RAD51B: variants seen among roughly 807,000 people sequenced by gnomAD.
The protein encoded by RAD51B is RAD51 paralog B.
Under a neutral mutation model 42.2 loss-of-function variants are expected in RAD51B, and 38 were observed. The ratio of observed to expected loss-of-function variants is 0.90; its 90% CI spans 0.70 to 1.18. The LOEUF (loss-of-function observed/expected upper bound fraction) is 1.18, where lower values mean the gene tolerates loss of function less well. RAD51B is among the 50% of genes most tolerant of loss of function. The pLI, the probability that RAD51B is intolerant of heterozygous loss-of-function variation, is 0.00. For missense variants in RAD51B, 373 were observed against 400.7 expected (o/e 0.93, Z 0.59); for synonymous variants, 154 against 145.2 (o/e 1.06, Z -0.43).
intron 4 of RAD51B, among the ~76,000 whole-genome samples, chr14:67,848,536 G>A (rs1006338906): frequency 2.0e-5 from 3 of 151,630 alleles, no homozygotes; most frequent in African/African-American, 7.3e-5. Context: ...TTTTTTTCTA[G>A]CTTACCATTC....
chr14:68,208,280 G>A (rs1384082730), intron 7 of RAD51B, among the ~76,000 whole-genome samples: 1 of 152,194 alleles, frequency 6.6e-6, no homozygotes, highest in African/African-American at 2.4e-5. Flanking sequence ...GTGTGGTAAA[G>A]GTTATAGTAA....
chr14:68,374,706 C>T (rs1479450300), intron 8 of RAD51B, among the ~76,000 whole-genome samples: 13 of 150,238 alleles, frequency 8.7e-5, no homozygotes, highest in Non-Finnish European at 1.9e-4. Flanking sequence ...TCACACTTAG[C>T]ACAGATGGTC....
chr14:67,984,838 C>T (rs1193515028), intron 7 of RAD51B, among the ~76,000 whole-genome samples: 1 of 152,172 alleles, frequency 6.6e-6, no homozygotes, highest in Non-Finnish European at 1.5e-5. Context: ...TTTATCTCAT[C>T]CTATATACAT....
At chr14:68,458,926 C>A (rs1377587830) in intron 9 of RAD51B, among the ~76,000 whole-genome samples, 1 of 152,190 alleles carries the variant, frequency 6.6e-6, no homozygotes, top group East Asian at 1.9e-4. Flanking sequence ...TAAACTCATT[C>A]TCTGCTCTGC....
At chr14:68,644,745 T>C (rs954087967) in intron 10 of RAD51B, among the ~76,000 whole-genome samples, 2 of 152,046 alleles carry the variant, frequency 1.3e-5, no homozygotes, top group Admixed American at 6.5e-5. Flanking sequence ...CACTGGTTTG[T>C]CGTTTGCTTT....
chr14:68,480,476 G>C (rs1883089661), downstream of RAD51B, among the ~76,000 whole-genome samples: 1 of 152,088 alleles, frequency 6.6e-6, no homozygotes. Context: ...TGCCCAATAT[G>C]GGGTGACTGA....
downstream of RAD51B, among the ~76,000 whole-genome samples, chr14:68,614,428 C>A (rs1204073723): frequency 6.6e-6 from 1 of 152,094 alleles, no homozygotes; most frequent in Non-Finnish European, 1.5e-5. Context: ...AGTATATTCA[C>A]AAAATTGTGC....
intron 7 of RAD51B, among the ~76,000 whole-genome samples, chr14:67,947,208 A>G (rs2045426447): frequency 6.6e-6 from 1 of 152,212 alleles, no homozygotes; most frequent in East Asian, 1.9e-4. Context: ...AATGTACAGT[A>G]TAAAGCATAA....
chr14:67,907,973 C>T (rs116274284), intron 7 of RAD51B, among the ~76,000 whole-genome samples: 187 of 152,222 alleles, frequency 1.2e-3, no homozygotes, highest in African/African-American at 4.1e-3. Flanking sequence ...ATAAATCAAC[C>T]GCTAAGGATT....
chr14:68,405,063 A>G (rs986250735), intron 8 of RAD51B, among the ~76,000 whole-genome samples: 10 of 152,270 alleles, frequency 6.6e-5, no homozygotes, highest in African/African-American at 2.4e-4. Context: ...TCAGTAACTA[A>G]CCATGTGAAC....
intron 10 of RAD51B, among the ~76,000 whole-genome samples, chr14:68,514,787 G>T (rs926606129): frequency 4.6e-5 from 7 of 152,212 alleles, no homozygotes; most frequent in Non-Finnish European, 1.0e-4. Flanking sequence ...CATTTCAGGG[G>T]AGATTTGTTT....
chr14:68,064,221 G>A (rs1435884884), intron 7 of RAD51B, among the ~76,000 whole-genome samples: 12 of 152,262 alleles, frequency 7.9e-5, no homozygotes, highest in African/African-American at 2.9e-4. Context: ...GCTTTGATCG[G>A]TATAGTATTC....
intron 7 of RAD51B, among the ~76,000 whole-genome samples, chr14:68,290,485 T>C (rs891489405): frequency 6.6e-6 from 1 of 152,244 alleles, no homozygotes; most frequent in Admixed American, 6.5e-5. Context: ...TATACCAAAT[T>C]TGAAAATTTG....
At chr14:68,053,036 G>T (rs534261912) in intron 7 of RAD51B, among the ~76,000 whole-genome samples, 2 of 151,942 alleles carry the variant, frequency 1.3e-5, no homozygotes, top group Admixed American at 6.6e-5. Flanking sequence ...TTTAACCTAC[G>T]CAAACTTGAT....
intron 7 of RAD51B, among the ~76,000 whole-genome samples, chr14:67,980,719 A>G (rs1439895111): frequency 6.6e-6 from 1 of 152,232 alleles, no homozygotes; most frequent in Non-Finnish European, 1.5e-5. Flanking sequence ...ATCACATACC[A>G]TATAAAAACT....
At chr14:68,184,559 T>G (rs975769509) in intron 7 of RAD51B, among the ~76,000 whole-genome samples, 1 of 143,684 alleles carries the variant, frequency 7.0e-6, no homozygotes, top group Non-Finnish European at 1.5e-5. Context: ...AGAGTGAGTT[T>G]GCTACTGCAC....
Position 68,632,949 on chromosome 14 carries a change from C to CTTTTT in RAD51B, c.1037-17830_1037-17826dup, listed in dbSNP as rs1323716434. 1.2e-3 allele frequency among the ~76,000 whole-genome samples: 118 copies of CTTTTT among 100,882 alleles called. 1 individual carries two copies. The highest frequency in any genetic ancestry group is 5.2e-3 in the Middle Eastern group (1 of 192). 66.2% of individuals were successfully genotyped at this position (100,882 alleles called of 152,430 possible). On this transcript the variant is annotated intron_variant, in intron 10 of 11. Coordinates refer to the RAD51B transcript ENST00000488612. ...CACCACCATGCCCAGCTAATTTTTT[C>CTTTTT]TTTTTTCTTTTTCTTTTTCTTTTTT...
At chr14:68,233,350 A>G (rs1186458405) in intron 7 of RAD51B, among the ~76,000 whole-genome samples, 2 of 152,208 alleles carry the variant, frequency 1.3e-5, no homozygotes, top group African/African-American at 4.8e-5. Context: ...AGCCAAGGGC[A>G]TATATGCTGA....
In RAD51B at chr14:68,559,567, G is replaced by A. The variant is rs1016652080; in HGVS notation, c.1037-34918G>A. On this transcript the variant is annotated intron_variant, in intron 10 of 10. Transcript: ENST00000487270. Reference sequence around the variant, plus strand: ...GGCTAATTTTTGCCTTTTTGGTAGAGAAGAGTGTCACCATGTTGGCCAGGC... The same window carrying A: ...GGCTAATTTTTGCCTTTTTGGTAGAAAAGAGTGTCACCATGTTGGCCAGGC... Among the ~76,000 whole-genome samples the A allele has an allele frequency of 9.9e-5, 15 of 152,050 alleles. 1 individual carries two copies. The highest frequency in any genetic ancestry group is 3.4e-4 in the African/African-American group (14 of 41,478).
Sources: gnomAD v4.1 joint callset for allele counts (sites outside exome capture counted in the v4.1 genomes callset) on GRCh38, gnomAD v4.1.1 for gene constraint, MANE v1.5 for transcripts, NCBI Gene and HGNC (gene_info 2026-07-23, HGNC 2026-07-21) for gene names.